SLCO3A1: variants seen among roughly 807,000 people sequenced by gnomAD.
SLCO3A1 encodes the protein PGE1 transporter.
Under a neutral mutation model 63.1 loss-of-function variants are expected in SLCO3A1, and 27 were observed. The ratio of observed to expected loss-of-function variants is 0.43; its 90% confidence interval spans 0.32 to 0.59. The LOEUF (loss-of-function observed/expected upper bound fraction) is 0.59, where lower values mean the gene tolerates loss of function less well. Among genes scored for constraint, SLCO3A1 ranks in the 20% least tolerant of loss-of-function variants. The pLI is 0.09. For missense variants in SLCO3A1, 773 were observed against 945.8 expected, an observed-to-expected ratio of 0.82 and a Z score of 2.40; for synonymous variants, 473 against 409.9, an observed-to-expected ratio of 1.15 and a Z score of -1.86.
At chr15:92,133,764 T>C (rs1325515718) in intron 7 of SLCO3A1, among the ~76,000 whole-genome samples, 1 of 149,636 alleles carries the variant, frequency 6.7e-6, no homozygotes, top group African/African-American at 2.4e-5. Context: ...TGGTGAATTG[T>C]ATAATTACAT....
At chr15:91,962,813 G>GC (rs1900500238) in intron 2 of SLCO3A1, among the ~76,000 whole-genome samples, 1 of 152,134 alleles carries the variant, frequency 6.6e-6, no homozygotes, top group African/African-American at 2.4e-5. Flanking sequence ...ATGCAGATGA[G>GC]CTGGGAAAGG....
At chr15:92,088,970 C>T (rs983891922) in intron 2 of SLCO3A1, among the ~76,000 whole-genome samples, 2 of 151,806 alleles carry the variant, frequency 1.3e-5, no homozygotes, top group African/African-American at 4.8e-5. Context: ...TAGTGGAACC[C>T]CTGTGAGTCC....
At chr15:91,982,023 A>C (rs1323652008) in intron 2 of SLCO3A1, among the ~76,000 whole-genome samples, 1 of 152,238 alleles carries the variant, frequency 6.6e-6, no homozygotes, top group Non-Finnish European at 1.5e-5. Context: ...ATTGCAGGAG[A>C]GGGGCGTGCC....
chr15:92,003,879 C>A (rs531764712), intron 2 of SLCO3A1, among the ~76,000 whole-genome samples: 2 of 152,138 alleles, frequency 1.3e-5, no homozygotes, highest in African/African-American at 4.8e-5. Context: ...CATTGCCTGG[C>A]AGTGCTCCCC....
chr15:91,999,268 C>T (rs1196739586), intron 2 of SLCO3A1, among the ~76,000 whole-genome samples: 3 of 151,852 alleles, frequency 2.0e-5, no homozygotes, highest in African/African-American at 7.3e-5. Context: ...ACATGTATAT[C>T]CTGAATCTAA....
chr15:92,157,430 C>A (rs560164964), intron 9 of SLCO3A1, among the ~76,000 whole-genome samples: 4 of 152,112 alleles, frequency 2.6e-5, no homozygotes, highest in African/African-American at 7.2e-5. Flanking sequence ...CCTGGCCCCC[C>A]CCCTTGTCCT....
At chr15:92,070,510 A>G (rs2047202779) in intron 2 of SLCO3A1, among the ~76,000 whole-genome samples, 1 of 152,056 alleles carries the variant, frequency 6.6e-6, no homozygotes, top group African/African-American at 2.4e-5. Flanking sequence ...AGGTGGGATG[A>G]CGCATGCCTG....
intron 1 of SLCO3A1, among the ~76,000 whole-genome samples, chr15:91,908,077 T>C (rs902834615): frequency 5.9e-5 from 9 of 152,094 alleles, no homozygotes; most frequent in Non-Finnish European, 1.0e-4. Flanking sequence ...GTGACAAAAC[T>C]GTAAGGGGGG....
At chr15:92,157,918 T>A (rs1456192899) in intron 9 of SLCO3A1, among the ~76,000 whole-genome samples, 1 of 152,172 alleles carries the variant, frequency 6.6e-6, no homozygotes. Context: ...GTTGTGTGAA[T>A]CACACAGTTC....
At position 92,007,854 on chromosome 15, in the gene SLCO3A1, A is replaced by G. The variant is rs553842853; in HGVS notation, c.647-87027A>G. 3.9e-5 allele frequency among the ~76,000 whole-genome samples: 6 copies of G among 152,340 alleles called. No individual in the cohort carries two copies. In the East Asian group the frequency reaches 5.8e-4, roughly 15 times the overall value. ...CCCAAGGAAGAGCGATCCAAGCTCT[A>G]CTAGTTTATAGGGTAGTACCTCAAA... On this transcript the variant is annotated intron_variant, in intron 2 of 9. Coordinates refer to ENST00000318445, the MANE Select transcript of SLCO3A1 (RefSeq NM_013272.4).
rs74028848 is a variant in SLCO3A1 at position 92,155,606 on chromosome 15, G to C, written c.1753+4592G>C. 5.1e-3 allele frequency among the ~76,000 whole-genome samples: 762 copies of C among 149,510 alleles called. 7 individuals are homozygous for C. The highest frequency in any genetic ancestry group is 0.017 in the African/African-American group (715 of 41,298). ...GAGCAGCAGGTGAGCAGGGCATGAG[G>C]TTTAGCAGGATGCAGGATAACCCAT... On this transcript the variant is annotated intron_variant, in intron 9 of 9. Coordinates refer to ENST00000318445, the MANE Select transcript of SLCO3A1 (RefSeq NM_013272.4).
intron 2 of SLCO3A1, among the ~76,000 whole-genome samples, chr15:91,951,294 T>G (rs1161041198): frequency 6.6e-6 from 1 of 152,228 alleles, no homozygotes; most frequent in Non-Finnish European, 1.5e-5. Context: ...TTCTGGACAT[T>G]TAATATACAT....
At chr15:92,041,214 G>C (rs2046792623) in intron 2 of SLCO3A1, among the ~76,000 whole-genome samples, 1 of 152,156 alleles carries the variant, frequency 6.6e-6, no homozygotes, top group African/African-American at 2.4e-5. Flanking sequence ...GAATGACAGT[G>C]CTTTGTTCCT....
rs1596162652 is a variant in SLCO3A1, at chr15:92,164,527, T to A, written c.*1392T>A. On this transcript the variant is annotated 3_prime_UTR_variant, in exon 10 of 10. Transcript: ENST00000318445. ...AGCCTGTGGAGGAGACACTCTTAGATGTGGGTTTGTGTGTATGGGTGCAAC... is the reference window on the plus strand; with the variant it reads ...AGCCTGTGGAGGAGACACTCTTAGAAGTGGGTTTGTGTGTATGGGTGCAAC... The A allele has an allele frequency of 1.0e-6, 1 of 985,262 alleles. No individual in the cohort carries two copies. The highest frequency in any genetic ancestry group is 1.1e-4 in the East Asian group (1 of 8,828). The allele number at this position is 985,262 out of a possible 1,614,324, so 61.0% of individuals were successfully genotyped here.
In SLCO3A1 at chr15:91,916,134, C is replaced by T; in HGVS notation, c.322C>T (p.Leu108=). 1 of 1,609,958 alleles carries T rather than the reference C, an allele frequency of 6.2e-7. No individual in the cohort carries two copies. Among genetic ancestry groups the T allele is most frequent in the Non-Finnish European group, 8.5e-7 (1 of 1,179,198 alleles). The part of the protein sequence containing the change: ...YFGARGHRPR[L]IGCGGIVMAL... ...CGGGGCACGCGGGCACCGGCCGCGC[C>T]TGATCGGCTGCGGCGGCATCGTCAT... Residue 108 remains leucine, a synonymous_variant, in exon 2 of 10, where the codon CTG becomes TTG. Transcript: ENST00000318445. The surrounding 1 kb of genome is among the most constrained non-coding windows in gnomAD (Gnocchi z 6.2).
intron 2 of SLCO3A1, among the ~76,000 whole-genome samples, chr15:92,009,086 T>A (rs997971829): frequency 6.6e-6 from 1 of 152,204 alleles, no homozygotes; most frequent in Non-Finnish European, 1.5e-5. Flanking sequence ...TCTGTGCCAA[T>A]GTGTTTTTCT....
chr15:91,923,199 T>C (rs989010846), intron 2 of SLCO3A1, among the ~76,000 whole-genome samples: 4 of 152,218 alleles, frequency 2.6e-5, no homozygotes, highest in Non-Finnish European at 5.9e-5. Context: ...CTGTACACGG[T>C]GGGGATCAGT....
intron 2 of SLCO3A1, among the ~76,000 whole-genome samples, chr15:92,066,806 A>G (rs2047157846): frequency 6.6e-6 from 1 of 152,124 alleles, no homozygotes; most frequent in African/African-American, 2.4e-5. Context: ...TGCCCTCTCT[A>G]TGGCTGGCAG....
At chr15:92,116,229 T>C (rs1289121976) in intron 4 of SLCO3A1, among the ~76,000 whole-genome samples, 1 of 152,228 alleles carries the variant, frequency 6.6e-6, no homozygotes, top group African/African-American at 2.4e-5. Flanking sequence ...AAGGAAATGC[T>C]CTGTCAACGT....
Sources: allele counts gnomAD v4.1 joint callset (sites outside exome capture counted in the v4.1 genomes callset), GRCh38; gene constraint gnomAD v4.1.1; non-coding constraint Gnocchi (gnomAD v3.1); transcripts MANE v1.5; gene names NCBI Gene and HGNC (gene_info 2026-07-23, HGNC 2026-07-21).